LY86: variants seen among roughly 807,000 people sequenced by gnomAD.
LY86 encodes MD-1, RP105-associated.
In LY86, 20 loss-of-function variants were observed where a neutral mutation model predicts 17.3. The ratio of observed to expected loss-of-function variants is 1.15; its 90% CI spans 0.81 to 1.68. The LOEUF is 1.68. Ranked by LOEUF, LY86 falls within the 40% of genes most tolerant of loss-of-function variation. LY86 has a pLI of 0.00. For synonymous variants in LY86, 74 were observed against 70.6 expected (o/e 1.05, Z -0.24); for missense variants, 200 against 191.9 (o/e 1.04, Z -0.25).
At chr6:6,649,590 G>A in intron 3 of LY86, 35 bp from the exon 4 acceptor site, 1 of 1,311,928 alleles carries the variant, frequency 7.6e-7, no homozygotes, top group South Asian at 1.3e-5. Context: ...TTAAATGATT[G>A]AATAACATCA....
At chr6:6,599,014 T>A (rs1760815121) in intron 1 of LY86, among the ~76,000 whole-genome samples, 1 of 152,234 alleles carries the variant, frequency 6.6e-6, no homozygotes, top group Non-Finnish European at 1.5e-5. Context: ...TCAGTCCTTC[T>A]GTTCCATTTT....
At chr6:6,639,435 C>T (rs867788523) in intron 3 of LY86, among the ~76,000 whole-genome samples, 3 of 152,208 alleles carry the variant, frequency 2.0e-5, no homozygotes, top group African/African-American at 7.2e-5. Context: ...TCACCATAAA[C>T]GTAGCCATTG....
intron 2 of LY86, 55 bp downstream of exon 2, chr6:6,625,067 T>C: frequency 1.3e-6 from 1 of 763,814 alleles, no homozygotes; most frequent in South Asian, 1.6e-5. Context: ...CTCTTCCAAC[T>C]CCACACACCC....
intron 1 of LY86, among the ~76,000 whole-genome samples, chr6:6,612,661 A>T (rs1393294933): frequency 6.6e-6 from 1 of 152,218 alleles, no homozygotes; most frequent in Non-Finnish European, 1.5e-5. Flanking sequence ...TCTGTCTTAC[A>T]GAGAGCTGAT....
At chr6:6,624,334 T>C (rs1384582229) in intron 1 of LY86, among the ~76,000 whole-genome samples, 1 of 109,444 alleles carries the variant, frequency 9.1e-6, no homozygotes, top group African/African-American at 3.4e-5. Flanking sequence ...CACAATACCT[T>C]GTACATAGTG....
At chr6:6,643,614 TATTGTGC>T (rs749608058) in intron 3 of LY86, among the ~76,000 whole-genome samples, 11 of 152,212 alleles carry the variant, frequency 7.2e-5, no homozygotes, top group Non-Finnish European at 1.5e-4. Flanking sequence ...GATCACAGTG[TATTGTGC>T]GTTGCTAACG....
At chr6:6,615,530 T>C (rs1446910628) in intron 1 of LY86, among the ~76,000 whole-genome samples, 1 of 152,126 alleles carries the variant, frequency 6.6e-6, no homozygotes, top group Non-Finnish European at 1.5e-5. Context: ...AAGACCAGCC[T>C]GGCCAACATG....
At position 6,638,628 on chromosome 6, in the gene LY86, C is replaced by G. The variant is rs148783538; in HGVS notation, c.353-10997C>G. ...TTGTGGAATGTTCTATTGCACAGAT[C>G]TGACCTAGTAGTATCTATACTGCTC... On this transcript the variant is annotated intron_variant, in intron 3 of 4. Coordinates refer to ENST00000230568, the MANE Select transcript of LY86 (RefSeq NM_004271.4). Among the ~76,000 whole-genome samples the G allele has an allele frequency of 2.1e-4, 32 of 152,044 alleles. 1 individual carries two copies. In the East Asian group the frequency reaches 6.2e-3, roughly 29 times the overall value.
chr6:6,603,248 T>C (rs1175735271), intron 1 of LY86, among the ~76,000 whole-genome samples: 1 of 152,106 alleles, frequency 6.6e-6, no homozygotes, highest in Non-Finnish European at 1.5e-5. Context: ...CATATAAATC[T>C]GGGAGGACAC....
At chr6:6,631,515 A>G (rs1321054772) in intron 3 of LY86, among the ~76,000 whole-genome samples, 1 of 152,260 alleles carries the variant, frequency 6.6e-6, no homozygotes, top group East Asian at 1.9e-4. Flanking sequence ...AGCCATTATT[A>G]TAAGGCAGTG....
chr6:6,621,738 A>G (rs925161235), intron 1 of LY86, among the ~76,000 whole-genome samples: 10 of 152,350 alleles, frequency 6.6e-5, no homozygotes, highest in Non-Finnish European at 1.5e-4. Flanking sequence ...CGGCAAATTT[A>G]CTACAAATAA....
At chr6:6,646,796 A>T (rs1762114206) in intron 3 of LY86, among the ~76,000 whole-genome samples, 1 of 151,976 alleles carries the variant, frequency 6.6e-6, no homozygotes. Context: ...TCTTCTTTTC[A>T]TTCTTATCCA....
intron 3 of LY86, among the ~76,000 whole-genome samples, chr6:6,645,958 C>G (rs1041047804): frequency 6.6e-6 from 1 of 152,090 alleles, no homozygotes. Flanking sequence ...GAAGGGGTCT[C>G]TTTGTCTCTC....
At chr6:6,651,613 G>C (rs754911499) in intron 4 of LY86, among the ~76,000 whole-genome samples, 18 of 151,972 alleles carry the variant, frequency 1.2e-4, no homozygotes, top group Non-Finnish European at 2.5e-4. Context: ...TTGTTCTTCT[G>C]ACCCTCCTCC....
At chr6:6,639,658 C>T (rs1269645689) in intron 3 of LY86, among the ~76,000 whole-genome samples, 1 of 152,184 alleles carries the variant, frequency 6.6e-6, no homozygotes, top group African/African-American at 2.4e-5. Flanking sequence ...CTCCTACCTC[C>T]CTCTTATAAG....
At chr6:6,635,505 G>A (rs1273349171) in intron 3 of LY86, among the ~76,000 whole-genome samples, 1 of 152,028 alleles carries the variant, frequency 6.6e-6, no homozygotes, top group Non-Finnish European at 1.5e-5. Context: ...GTTGACCACA[G>A]GTAATTGAGA....
At chr6:6,603,501 A>G (rs1293297458) in intron 1 of LY86, among the ~76,000 whole-genome samples, 1 of 151,794 alleles carries the variant, frequency 6.6e-6, no homozygotes, top group Non-Finnish European at 1.5e-5. Context: ...GAAATCTTTT[A>G]AATATATAGC....
rs1762158245 is a variant in LY86, at chr6:6,649,669, A to C, written c.397A>C (p.Ile133Leu). ...AGPVNNPEFT[I>L]PQGEYQVLLE... ...GCCTGTCAATAATCCTGAATTTACT[A>C]TTCCTCAGGTAAGATATTACTTACT... Residue 133 changes from isoleucine (I) to leucine (L), a missense_variant, in exon 4 of 5, where the codon ATT (isoleucine) becomes CTT (leucine). Physicochemically the swap from Ile to Leu is conservative, Grantham distance 5 (BLOSUM62 2). Transcript: ENST00000230568. 1.3e-6 allele frequency: 2 copies of C among 1,566,686 alleles called. No individual in the cohort carries two copies. Among genetic ancestry groups the C allele is most frequent in the East Asian group, 4.5e-5 (2 of 44,622 alleles).
chr6:6,597,169 C>T (rs539735847), intron 1 of LY86, among the ~76,000 whole-genome samples: 3 of 152,288 alleles, frequency 2.0e-5, no homozygotes, highest in South Asian at 2.1e-4. Flanking sequence ...GACCCAGGCC[C>T]GCAGGAGGGG....
Sources: allele counts gnomAD v4.1 joint callset (sites outside exome capture counted in the v4.1 genomes callset), GRCh38; gene constraint gnomAD v4.1.1; transcripts MANE v1.5; gene names NCBI Gene and HGNC (gene_info 2026-07-23, HGNC 2026-07-21).